Variants in MYO15A observed in about 807,000 individuals in gnomAD.
MYO15A encodes the protein myosin XVA.
Under a neutral mutation model 394.6 loss-of-function variants are expected in MYO15A, and 308 were observed. The ratio of observed to expected loss-of-function variants is 0.78; its 90% CI spans 0.71 to 0.86. The LOEUF (loss-of-function observed/expected upper bound fraction) is 0.86. MYO15A is among the 40% of genes least tolerant of loss of function. The probability of loss-of-function intolerance (pLI) is 0.00; values close to 1 mark genes in which losing one functional copy is unlikely to be tolerated. For missense variants in MYO15A, 4,606 were observed against 4,799.1 expected (o/e 0.96, Z 1.19); for synonymous variants, 1,957 against 2,003.8 (o/e 0.98, Z 0.62).
chr17:18,126,674 C>T, intron 5 of MYO15A, 117 bp from the exon 6 acceptor site: 1 of 1,287,128 alleles, frequency 7.8e-7, no homozygotes, highest in South Asian at 1.2e-5. Flanking sequence ...ATTCCCCCAA[C>T]AGGGTGAGGG....
Position 18,140,504 on chromosome 17 carries a change from G to A in MYO15A, c.5212-13G>A, listed in dbSNP as rs772088992. 1.2e-5 allele frequency: 20 copies of A among 1,613,158 alleles called. No homozygotes were observed. The East Asian group carries it at 1.6e-4, about 13-fold the overall frequency. ...CCTGCCTGTCTGTTTTCCCTGCCCC[G>A]ACCCCTGCCCAGGTGGTGGCACACC... On this transcript the variant is annotated splice_polypyrimidine_tract_variant and intron_variant, in intron 19 of 65. Transcript: ENST00000647165.
In MYO15A at chr17:18,148,637, C is replaced by T; in HGVS notation, c.6764+69C>T. ...GAATGTTGTGGGGGGAGGTCAGATC[C>T]CCCAGAGGGTCCCATAGGGTCCATT... is the stretch of plus-strand genomic sequence containing the variant. On this transcript the variant is annotated intron_variant, in intron 32 of 65. Coordinates refer to ENST00000647165, the MANE Select transcript of MYO15A (RefSeq NM_016239.4). The surrounding 1 kb of genome is among the most constrained non-coding windows in gnomAD (Gnocchi z 4.8). The T allele has an allele frequency of 2.6e-6, 4 of 1,547,318 alleles. No homozygotes were observed. Among genetic ancestry groups the T allele is most frequent in the Non-Finnish European group, 1.7e-6 (2 of 1,143,952 alleles).
chr17:18,156,825 C>T lies in MYO15A; in HGVS notation c.8602-129C>T, dbSNP rs2046682782. 4 of 836,400 alleles carry T rather than the reference C, an allele frequency of 4.8e-6. No individual in the cohort carries two copies. In the Admixed American group the frequency reaches 7.9e-5, roughly 17 times the overall value. The allele number at this position is 836,400 out of a possible 1,614,324, so 51.8% of individuals were successfully genotyped here. ...CTTTCTTCCACCCAGAATGCCCTTC[C>T]CTCTTCTCACCTAATGAAGGCTCCC... is the stretch of plus-strand genomic sequence containing the variant. On this transcript the variant is annotated intron_variant, in intron 48 of 65. Transcript: ENST00000647165.
intron 62 of MYO15A, 148 bp from the exon 63 acceptor site, chr17:18,171,490 C>A: frequency 8.3e-7 from 1 of 1,210,260 alleles, no homozygotes; most frequent in South Asian, 1.2e-5. Context: ...GGCACCTCTA[C>A]CCCACTTTCA....
Position 18,120,876 on chromosome 17 carries a change from G to C in MYO15A, c.2076G>C (p.Ser692=). ...PALSGLPRPA[S]PYGSLRRHPP... ...TCTCGGGCCTGCCCCGGCCGGCCTC[G>C]CCCTACGGCTCCCTCCGCCGCCACC... is the stretch of plus-strand genomic sequence containing the variant. The change falls in exon 2 of 66, where the codon TCG becomes TCC. Residue 692 remains serine, a synonymous_variant. Transcript: ENST00000647165. 7.6e-7 allele frequency: 1 copy of C among 1,309,826 alleles called. No homozygotes were observed. The highest frequency in any genetic ancestry group is 3.5e-5 in the Admixed American group (1 of 28,888). 81.1% of individuals were successfully genotyped at this position (1,309,826 alleles called of 1,614,324 possible).
Position 18,120,508 on chromosome 17 carries a change from A to G in MYO15A, c.1708A>G (p.Thr570Ala). Reference sequence around the variant, plus strand: ...TGGCCGCCCCGTGCCTCGCCCTGCCACCTCGCTTGCGCGGTTCCTCAAGAA... The same window carrying G: ...TGGCCGCCCCGTGCCTCGCCCTGCCGCCTCGCTTGCGCGGTTCCTCAAGAA... ...EFGRPVPRPATSLARFLKKTL... is the reference protein window; with the variant it reads ...EFGRPVPRPAASLARFLKKTL... The change falls in exon 2 of 66, where the codon ACC becomes GCC. Residue 570 changes from threonine to alanine, a missense_variant. Around this residue, in one of 2 missense-constraint regions of MYO15A, gnomAD observed 1,830 missense variants for 1,689.7 expected, o/e 1.08. Transcript: ENST00000647165. The G allele has an allele frequency of 6.3e-7, 1 of 1,579,088 alleles. No individual in the cohort carries two copies. The highest frequency in any genetic ancestry group is 8.6e-7 in the Non-Finnish European group (1 of 1,165,990).
chr17:18,121,611 A>ACCCCCC lies in MYO15A; in HGVS notation c.2812_2813insCCCCCC (p.Gln937_Arg938insProPro). Reference sequence around the variant, plus strand: ...GGGACGTGGACATGCCTCCCACCCAACGCCCACCCTCCCCCTGGCCAGGAG... The same window carrying ACCCCCC: ...GGGACGTGGACATGCCTCCCACCCAACCCCCCCGCCCACCCTCCCCCTGGCCAGGAG... On this transcript the variant is annotated inframe_insertion, in exon 2 of 66. Coordinates refer to ENST00000647165, the MANE Select transcript of MYO15A (RefSeq NM_016239.4). The surrounding 1 kb of genome is among the most constrained non-coding windows in gnomAD (Gnocchi z 5.3). 6.3e-7 allele frequency: 1 copy of ACCCCCC among 1,592,532 alleles called. No homozygotes were observed. The highest frequency in any genetic ancestry group is 8.6e-7 in the Non-Finnish European group (1 of 1,167,752).
chr17:18,150,977 G>A lies in MYO15A; in HGVS notation c.7473+64G>A. 1.2e-6 allele frequency: 2 copies of A among 1,608,180 alleles called. No individual in the cohort carries two copies. Among genetic ancestry groups the A allele is most frequent in the Non-Finnish European group, 1.7e-6 (2 of 1,178,370 alleles). On this transcript the variant is annotated intron_variant, in intron 38 of 65. Coordinates refer to ENST00000647165, the MANE Select transcript of MYO15A (RefSeq NM_016239.4). This position sits in a 1 kb window ranked among gnomAD's most constrained non-coding sequence, Gnocchi z 4.4. ...GACACAAGCTGTAAAGAGGAATGCT[G>A]TGCTGCTCCAGGGCACTATTGTGCC...
At position 18,150,931 on chromosome 17, in the gene MYO15A, AG is replaced by A. The variant is rs2046570561; in HGVS notation, c.7473+21del. ...CCGCAGAGGTGAGCCTGGCCTGCCC[AG>A]GGTGCAGGGGTTGCTTGGAGACACA... On this transcript the variant is annotated intron_variant, in intron 38 of 65. Coordinates refer to ENST00000647165, the MANE Select transcript of MYO15A (RefSeq NM_016239.4). This position sits in a 1 kb window ranked among gnomAD's most constrained non-coding sequence, Gnocchi z 4.4. The A allele has an allele frequency of 1.9e-6, 3 of 1,607,454 alleles. No homozygotes were observed. In the East Asian group the frequency reaches 6.7e-5, roughly 36 times the overall value.
Position 18,179,619 on chromosome 17 carries a change from G to C in MYO15A, c.*749G>C, listed in dbSNP as rs2047061236. 1.3e-5 allele frequency: 2 copies of C among 152,866 alleles called. No homozygotes were observed. The highest frequency in any genetic ancestry group is 2.4e-5 in the African/African-American group (1 of 41,456). 9.5% of individuals were successfully genotyped at this position (152,866 alleles called of 1,614,324 possible). Reference sequence around the variant, plus strand: ...TCTTGGAAAATGGGACATTAGCATTGAGTTTTGAAAGATGAGTAGGAGTTT... The same window carrying C: ...TCTTGGAAAATGGGACATTAGCATTCAGTTTTGAAAGATGAGTAGGAGTTT... On this transcript the variant is annotated 3_prime_UTR_variant, in exon 66 of 66. Coordinates refer to ENST00000647165, the MANE Select transcript of MYO15A (RefSeq NM_016239.4).
chr17:18,167,974 T>TA (rs1347756244), intron 62 of MYO15A, among the ~76,000 whole-genome samples: 2 of 152,134 alleles, frequency 1.3e-5, no homozygotes, highest in African/African-American at 4.8e-5. Flanking sequence ...AAGGTAATGA[T>TA]AAAAAAAGCT....
intron 12 of MYO15A, among the ~76,000 whole-genome samples, chr17:18,134,962 C>T (rs563888695): frequency 1.3e-5 from 2 of 152,056 alleles, no homozygotes; most frequent in South Asian, 4.2e-4. Context: ...CTCACTGCAG[C>T]CTCAACCTCC....
In MYO15A at chr17:18,173,802, CT is replaced by C. The variant is rs1310479415; in HGVS notation, c.10373del (p.Leu3458ArgfsTer96). On this transcript the variant is annotated frameshift_variant, in exon 65 of 66. Coordinates refer to ENST00000647165, the MANE Select transcript of MYO15A (RefSeq NM_016239.4). LOFTEE classifies it high-confidence loss of function. ...ETHELMVKFP[L>X]KEIQSTRTQR... ...CCAGGAATTGATGGTGAAGTTCCCC[CT>C]GAAGGAGATCCAGTCGACGCGGACC... 2.5e-6 allele frequency: 4 copies of C among 1,614,018 alleles called. No individual in the cohort carries two copies. The highest frequency in any genetic ancestry group is 3.4e-6 in the Non-Finnish European group (4 of 1,180,036).
intron 1 of MYO15A, among the ~76,000 whole-genome samples, chr17:18,111,317 G>A (rs1435298461): frequency 7.3e-6 from 1 of 136,542 alleles, no homozygotes; most frequent in African/African-American, 2.7e-5. Context: ...CCTGAGTGAT[G>A]GAACCAGAGC....
At position 18,149,672 on chromosome 17, in the gene MYO15A, T is replaced by C; in HGVS notation, c.7212+92T>C. On this transcript the variant is annotated intron_variant, in intron 35 of 65. Coordinates refer to ENST00000647165, the MANE Select transcript of MYO15A (RefSeq NM_016239.4). Reference sequence around the variant, plus strand: ...TTGTACAGGGTGACCTGAGAGCTTCTCACAGCCAGGGTCATGGGGTGGTGT... The same window carrying C: ...TTGTACAGGGTGACCTGAGAGCTTCCCACAGCCAGGGTCATGGGGTGGTGT... 4.5e-6 allele frequency: 6 copies of C among 1,347,252 alleles called. No homozygotes were observed. In the South Asian group the frequency reaches 5.9e-5, roughly 13 times the overall value. The allele number at this position is 1,347,252 out of a possible 1,614,324, so 83.5% of individuals were successfully genotyped here. A position where few individuals can be genotyped will look rare whatever the true frequency, so the allele number is the denominator to read the frequency against.
Position 18,120,043 on chromosome 17 carries a change from C to A in MYO15A, c.1243C>A (p.Pro415Thr). 6.2e-7 allele frequency: 1 copy of A among 1,613,524 alleles called. No individual in the cohort carries two copies. Among genetic ancestry groups the A allele is most frequent in the Non-Finnish European group, 8.5e-7 (1 of 1,179,980 alleles). The change falls in exon 2 of 66, where the codon CCA becomes ACA. Residue 415 changes from proline (P) to threonine (T), a missense_variant. Physicochemically the swap from Pro to Thr is conservative, Grantham distance 38. Around this residue, in one of 2 missense-constraint regions of MYO15A, gnomAD observed 1,830 missense variants for 1,689.7 expected, o/e 1.08. Coordinates refer to ENST00000647165, the MANE Select transcript of MYO15A (RefSeq NM_016239.4). The stretch of plus-strand genomic sequence containing the variant: ...TTCGGCCTTTGTGTACCCCTGGGTA[C>A]CACCGCCCATCCCGTCGCCCCACAA... ...SASAFVYPWV[P>T]PPIPSPHNPY...
intron 51 of MYO15A, 48 bp from the exon 52 acceptor site, chr17:18,158,475 G>A: frequency 6.5e-7 from 1 of 1,542,444 alleles, no homozygotes; most frequent in Non-Finnish European, 9.0e-7. Context: ...CGAAGGGCTA[G>A]GCGTGGTGTG....
intron 53 of MYO15A, 124 bp from the exon 54 acceptor site, chr17:18,159,151 T>C: frequency 1.5e-6 from 2 of 1,376,350 alleles, no homozygotes; most frequent in Non-Finnish European, 2.0e-6. Context: ...TCCCCAGTGT[T>C]GGGCCTGGCT....
intron 58 of MYO15A, 109 bp from the exon 59 acceptor site, chr17:18,163,135 A>C: frequency 8.4e-7 from 1 of 1,189,574 alleles, no homozygotes; most frequent in Non-Finnish European, 1.3e-6. Flanking sequence ...GTGTTCCTAC[A>C]CGTGCCAGCC....
Sources: allele counts gnomAD v4.1 joint callset (sites outside exome capture counted in the v4.1 genomes callset), GRCh38; gene constraint gnomAD v4.1.1; regional missense constraint gnomAD v4.1.1; non-coding constraint Gnocchi (gnomAD v3.1); transcripts MANE v1.5; gene names NCBI Gene and HGNC (gene_info 2026-07-23, HGNC 2026-07-21).